The following MYH6 variants were observed in gnomAD, a reference collection of about 807,000 sequenced individuals.
MYH6 encodes myosin heavy chain 6.
In MYH6, 126 loss-of-function variants were observed where a neutral mutation model predicts 223.2. That is an observed-to-expected ratio of 0.56 (90% CI 0.49 to 0.65). The LOEUF (loss-of-function observed/expected upper bound fraction) is 0.65, where lower values mean the gene tolerates loss of function less well. Among genes scored for constraint, MYH6 ranks in the 30% least tolerant of loss-of-function variants. The pLI is 0.00. For missense variants in MYH6, 2,040 were observed against 2,536.4 expected, an observed-to-expected ratio of 0.80 and a Z score of 4.20; for synonymous variants, 978 against 1,010.2, an observed-to-expected ratio of 0.97 and a Z score of 0.61.
In MYH6 at chr14:23,384,466, C is replaced by T. The variant is rs1890955480; in HGVS notation, c.5541G>A (p.Arg1847=). Residue 1847 remains arginine, a synonymous_variant, in exon 36 of 39, where the codon CGG becomes CGA. Transcript: ENST00000405093. ...CCTGGTAGGTGAGCTCCTTGATGCG[C>T]CGCTCGCTCTTCCTCATGCCCTTCA... The part of the protein sequence containing the change: ...ESVKGMRKSE[R]RIKELTYQTE... The T allele has an allele frequency of 6.2e-7, 1 of 1,611,706 alleles. No homozygotes were observed. Among genetic ancestry groups the T allele is most frequent in the Non-Finnish European group, 8.5e-7 (1 of 1,180,046 alleles).
rs2138619273 is a variant in MYH6 at position 23,405,021 on chromosome 14, C to T, written c.530+79G>A. On this transcript the variant is annotated intron_variant, in intron 6 of 38. Coordinates refer to ENST00000405093, the MANE Select transcript of MYH6 (RefSeq NM_002471.4). This position sits in a 1 kb window ranked among gnomAD's most constrained non-coding sequence, Gnocchi z 4.7. ...TCCCTGCAATCCCAGCCTTAAACCT[C>T]TCCTCCCAACTACACCCTAGGCATC... 6.2e-7 allele frequency: 1 copy of T among 1,604,740 alleles called. No homozygotes were observed. The highest frequency in any genetic ancestry group is 2.2e-5 in the East Asian group (1 of 44,824).
Position 23,387,942 on chromosome 14 carries a change from C to T in MYH6, c.4360-19G>A, listed in dbSNP as rs1320944213. On this transcript the variant is annotated intron_variant, in intron 30 of 38. Transcript: ENST00000405093. ...CCAGGATCTGCCCGGGGACAAGGCT[C>T]ACTCTTCAGCCCCCCAGCCTTAGCT... The T allele has an allele frequency of 1.2e-6, 2 of 1,612,472 alleles. No homozygotes were observed. Among genetic ancestry groups the T allele is most frequent in the Non-Finnish European group, 1.7e-6 (2 of 1,180,010 alleles).
chr14:23,397,405 A>G, intron 16 of MYH6, 138 bp downstream of exon 16: 1 of 1,269,272 alleles, frequency 7.9e-7, no homozygotes, highest in Non-Finnish European at 1.1e-6. Flanking sequence ...CTTTTGTGGA[A>G]TCTACACACT....
intron 10 of MYH6, among the ~76,000 whole-genome samples, 191 bp from the exon 11 acceptor site, chr14:23,402,991 G>C (rs1343097143): frequency 6.6e-6 from 1 of 152,018 alleles, no homozygotes; most frequent in Non-Finnish European, 1.5e-5. Context: ...GGAAGTGAAA[G>C]GGTAGAAGAG....
chr14:23,392,748 TC>T, intron 24 of MYH6, 96 bp from the exon 25 acceptor site: 1 of 1,435,884 alleles, frequency 7.0e-7, no homozygotes, highest in Non-Finnish European at 9.8e-7. Context: ...AATCGGCACC[TC>T]CCCCTCCCCT....
intron 10 of MYH6, 40 bp downstream of exon 10, chr14:23,403,308 G>A: frequency 6.5e-7 from 1 of 1,540,130 alleles, no homozygotes. Flanking sequence ...GGGGTGTGCA[G>A]CAGGGACAGC....
At position 23,383,339 on chromosome 14, in the gene MYH6, G is replaced by GGGGCGCCCCCC; in HGVS notation, c.5566-20_5566-19insGGGGGGCGCCC. ...CCTCTGTCTGGGGGTGGGAGGGTGGGAGAAGCTGGTTTGGAGGGGGAGCAA... is the reference window on the plus strand; with the variant it reads ...CCTCTGTCTGGGGGTGGGAGGGTGGGGGGCGCCCCCCAGAAGCTGGTTTGGAGGGGGAGCAA... On this transcript the variant is annotated intron_variant, in intron 36 of 38. Coordinates refer to ENST00000405093, the MANE Select transcript of MYH6 (RefSeq NM_002471.4). The GGGGCGCCCCCC allele has an allele frequency of 9.2e-6, 1 of 108,202 alleles. No individual in the cohort carries two copies. Among genetic ancestry groups the GGGGCGCCCCCC allele is most frequent in the Non-Finnish European group, 1.8e-5 (1 of 54,384 alleles). The allele number at this position is 108,202 out of a possible 1,614,324, so 6.7% of individuals were successfully genotyped here. A position where few individuals can be genotyped will look rare whatever the true frequency, so the allele number is the denominator to read the frequency against.
intron 15 of MYH6, among the ~76,000 whole-genome samples, chr14:23,397,903 T>C (rs1891445748): frequency 6.6e-6 from 1 of 152,098 alleles, no homozygotes; most frequent in African/African-American, 2.4e-5. Context: ...TCTTTCCACA[T>C]TCTAGTTCTC....
At chr14:23,404,592 C>A in intron 7 of MYH6, 119 bp downstream of exon 7, 2 of 1,142,378 alleles carry the variant, frequency 1.8e-6, no homozygotes, top group Non-Finnish European at 1.3e-6. Flanking sequence ...GGCTGACCAT[C>A]GGGAGCCCAG....
At chr14:23,390,924 A>G (rs1050792995) in intron 25 of MYH6, among the ~76,000 whole-genome samples, 1 of 152,162 alleles carries the variant, frequency 6.6e-6, no homozygotes, top group Non-Finnish European at 1.5e-5. Context: ...TACCTTTGCA[A>G]TTCTCCAAGT....
At chr14:23,399,075 A>G in intron 14 of MYH6, 38 bp from the exon 15 acceptor site, 1 of 1,610,460 alleles carries the variant, frequency 6.2e-7, no homozygotes, top group Non-Finnish European at 8.5e-7. Flanking sequence ...AGAATCACTG[A>G]GCACACTCCC....
intron 25 of MYH6, among the ~76,000 whole-genome samples, chr14:23,391,742 G>A (rs1891242520): frequency 6.6e-6 from 1 of 152,154 alleles, no homozygotes; most frequent in African/African-American, 2.4e-5. Context: ...TCTATAATGG[G>A]GATGGCAGTG....
rs184308591 is a variant in MYH6 at position 23,396,901 on chromosome 14, A to T, written c.2168+62T>A. On this transcript the variant is annotated intron_variant, in intron 18 of 38. Coordinates refer to ENST00000405093, the MANE Select transcript of MYH6 (RefSeq NM_002471.4). ...AATTCCAGGGTCACCTGCAGATCCC[A>T]TTCCCATCAGGGCAGCCTGGCTCCC... 3.9e-5 allele frequency: 63 copies of T among 1,612,548 alleles called. No homozygotes were observed. In the East Asian group the frequency reaches 1.3e-3, roughly 33 times the overall value.
In MYH6 at chr14:23,383,339, G is replaced by GGGGGGGGGGGGCCCCCCCCCCCC; in HGVS notation, c.5566-20_5566-19insGGGGGGGGGGGGCCCCCCCCCCC. On this transcript the variant is annotated intron_variant, in intron 36 of 38. Transcript: ENST00000405093. ...CCTCTGTCTGGGGGTGGGAGGGTGG[G>GGGGGGGGGGGGCCCCCCCCCCCC]AGAAGCTGGTTTGGAGGGGGAGCAA... The GGGGGGGGGGGGCCCCCCCCCCCC allele has an allele frequency of 1.8e-5, 2 of 108,176 alleles. No individual in the cohort carries two copies. The highest frequency in any genetic ancestry group is 3.7e-5 in the Non-Finnish European group (2 of 54,362). 6.7% of individuals were successfully genotyped at this position (108,176 alleles called of 1,614,324 possible).
At chr14:23,385,110 C>A (rs1175921046) in intron 34 of MYH6, 69 bp from the exon 35 acceptor site, 2 of 1,603,468 alleles carry the variant, frequency 1.2e-6, no homozygotes, top group African/African-American at 2.7e-5. Flanking sequence ...TACCCTTTCT[C>A]CAGAAAGAAT....
intron 15 of MYH6, among the ~76,000 whole-genome samples, chr14:23,397,943 C>CTTCTTCTTCTTCTTCTTCTTCTAT (rs1566512366): frequency 1.0e-4 from 6 of 58,056 alleles, no homozygotes; most frequent in Admixed American, 1.8e-4. Flanking sequence ...TCTTCTTCTT[C>CTTCTTCTTCTTCTTCTTCTTCTAT]TTCTTCTTCT....
chr14:23,392,536 T>C, intron 25 of MYH6, 26 bp downstream of exon 25: 1 of 1,560,372 alleles, frequency 6.4e-7, no homozygotes, highest in Admixed American at 1.7e-5. Flanking sequence ...GAGCTCCCAC[T>C]TTCATGCACT....
At chr14:23,403,882 C>A in intron 8 of MYH6, 104 bp from the exon 9 acceptor site, 1 of 1,054,822 alleles carries the variant, frequency 9.5e-7, no homozygotes, top group Non-Finnish European at 1.4e-6. Context: ...GAAATGTAAA[C>A]GACCTCTTTG....
rs144811892 is a variant in MYH6 at position 23,388,793 on chromosome 14, C to T, written c.4175+66G>A. On this transcript the variant is annotated intron_variant, in intron 29 of 38. Transcript: ENST00000405093. ...TCCGTCTCATGACCACTTTGCCTGT[C>T]CCCACCCCAGGTCCTCTCGCCCCTT... is the stretch of plus-strand genomic sequence containing the variant. 1.8e-4 allele frequency: 285 copies of T among 1,612,200 alleles called. No homozygotes were observed. In the African/African-American group the frequency reaches 3.3e-3, roughly 19 times the overall value.
Sources: gnomAD v4.1 joint callset for allele counts (sites outside exome capture counted in the v4.1 genomes callset) on GRCh38, gnomAD v4.1.1 for gene constraint, Gnocchi (gnomAD v3.1) non-coding constraint, MANE v1.5 for transcripts, NCBI Gene and HGNC (gene_info 2026-07-23, HGNC 2026-07-21) for gene names.